The following USH2A variants were observed in gnomAD, a reference collection of about 807,000 sequenced individuals.
USH2A encodes the protein usherin.
USH2A carries 443 observed loss-of-function variants against 538.9 expected under a neutral mutation model. That is an observed-to-expected ratio of 0.82 (90% CI 0.76 to 0.89). The LOEUF is 0.89. Ranked by LOEUF, USH2A falls within the 40% of genes least tolerant of loss-of-function variation. The pLI is 0.00. For missense variants in USH2A, 6,633 were observed against 6,324.8 expected, an observed-to-expected ratio of 1.05 and a Z score of -1.65; for synonymous variants, 2,413 against 2,273.5, an observed-to-expected ratio of 1.06 and a Z score of -1.75.
chr1:215,935,721 G>A (rs994243086), intron 37 of USH2A, among the ~76,000 whole-genome samples: 1 of 151,946 alleles, frequency 6.6e-6, no homozygotes, highest in African/African-American at 2.4e-5. Flanking sequence ...TTCTATATTA[G>A]ATGCTTTCCT....
chr1:216,101,323 G>A (rs12142678), intron 21 of USH2A, among the ~76,000 whole-genome samples: 30,387 of 152,126 alleles, frequency 0.2, 4,024 homozygotes, highest in Non-Finnish European at 0.29. Flanking sequence ...TGACTCTACC[G>A]TGAGACAGAA....
chr1:215,731,570 C>G (rs1235463056), intron 60 of USH2A, among the ~76,000 whole-genome samples: 1 of 152,138 alleles, frequency 6.6e-6, no homozygotes, highest in Non-Finnish European at 1.5e-5. Context: ...AATTTTCCAA[C>G]TAGAGTTAAT....
chr1:216,096,092 C>T (rs2032435693), intron 22 of USH2A, among the ~76,000 whole-genome samples: 1 of 152,150 alleles, frequency 6.6e-6, no homozygotes, highest in Non-Finnish European at 1.5e-5. Context: ...GATATTTGTT[C>T]AACTCAAGTG....
At chr1:215,766,237 C>A (rs1424180974) in intron 56 of USH2A, among the ~76,000 whole-genome samples, 1 of 152,102 alleles carries the variant, frequency 6.6e-6, no homozygotes, top group Non-Finnish European at 1.5e-5. Context: ...TTCAGGCCAA[C>A]CTTAGCACTC....
chr1:215,661,532 A>G (rs1657435171), intron 64 of USH2A, among the ~76,000 whole-genome samples: 1 of 152,142 alleles, frequency 6.6e-6, no homozygotes, highest in South Asian at 2.1e-4. Flanking sequence ...CCTCTTCATT[A>G]AATTTTCTTC....
chr1:215,946,861 T>C (rs949724181), intron 37 of USH2A, among the ~76,000 whole-genome samples: 2 of 152,172 alleles, frequency 1.3e-5, no homozygotes, highest in African/African-American at 2.4e-5. Context: ...TGAAAACTTA[T>C]GACATCTAAA....
Position 216,058,532 on chromosome 1 carries a change from A to T in USH2A, c.6050-9885T>A, listed in dbSNP as rs2031060618. The stretch of plus-strand genomic sequence containing the variant: ...TTGGCTTCCATTATTTTTCATTTCA[A>T]ATATGTAGTGGTTGGGTTCTATTCT... On this transcript the variant is annotated intron_variant, in intron 30 of 71. Coordinates refer to ENST00000307340, the MANE Select transcript of USH2A (RefSeq NM_206933.4). Among the ~76,000 whole-genome samples the T allele has an allele frequency of 1.3e-5, 2 of 148,892 alleles. 1 individual carries two copies. Among genetic ancestry groups the T allele is most frequent in the Admixed American group, 1.3e-4 (2 of 15,026 alleles).
At chr1:216,280,272 T>C (rs1180116656) in intron 11 of USH2A, among the ~76,000 whole-genome samples, 1 of 152,100 alleles carries the variant, frequency 6.6e-6, no homozygotes, top group Non-Finnish European at 1.5e-5. Flanking sequence ...CCTGAACTAA[T>C]AACCCAGCCT....
In USH2A at chr1:215,878,908, C is replaced by T; in HGVS notation, c.8414G>A (p.Gly2805Glu). 6.2e-7 allele frequency: 1 copy of T among 1,613,880 alleles called. No individual in the cohort carries two copies. The highest frequency in any genetic ancestry group is 8.5e-7 in the Non-Finnish European group (1 of 1,179,968). ...ACSGGNGYLGGCTESLPTYVT... is the reference protein window; with the variant it reads ...ACSGGNGYLGECTESLPTYVT... ...ATAGGTAGGTAAACTCTCTGTGCAC[C>T]CTCCAAGGTACCCATTACCCCCTGA... Residue 2805 changes from glycine to glutamate, a missense_variant, in exon 42 of 72, where the codon GGG (glycine) becomes GAG (glutamate). Physicochemically the swap from Gly to Glu is moderately conservative, Grantham distance 98. Transcript: ENST00000307340.
intron 3 of USH2A, among the ~76,000 whole-genome samples, chr1:216,417,914 T>C (rs768517357): frequency 6.6e-6 from 1 of 152,162 alleles, no homozygotes; most frequent in African/African-American, 2.4e-5. Context: ...AAGGATGAAC[T>C]GTGCCTCTCT....
intron 44 of USH2A, among the ~76,000 whole-genome samples, chr1:215,852,624 T>C (rs918253970): frequency 6.6e-6 from 1 of 152,118 alleles, no homozygotes; most frequent in Non-Finnish European, 1.5e-5. Context: ...CCTATGAGCT[T>C]GTAAAATCAA....
At chr1:216,014,187 G>A (rs186412876) in intron 32 of USH2A, among the ~76,000 whole-genome samples, 18 of 152,158 alleles carry the variant, frequency 1.2e-4, no homozygotes, top group African/African-American at 4.3e-4. Context: ...GAAATGATGA[G>A]GGAAAGGGAA....
At chr1:215,989,110 G>A (rs949912463) in intron 35 of USH2A, among the ~76,000 whole-genome samples, 2 of 152,110 alleles carry the variant, frequency 1.3e-5, no homozygotes, top group Non-Finnish European at 1.5e-5. Context: ...TCATATATAG[G>A]CAAGCATAAA....
rs577108535 is a variant in USH2A at position 215,875,688 on chromosome 1, C to A, written c.8681+2070G>T. Among the ~76,000 whole-genome samples, 22 of 151,754 alleles carry A rather than the reference C, an allele frequency of 1.4e-4. 1 individual carries two copies. The highest frequency in any genetic ancestry group is 5.3e-4 in the African/African-American group (22 of 41,450). ...TATTCTTTGTTTTTGCTGAGTAGCT[C>A]ATGGCTAAAACTCAGATTCAGTAAT... On this transcript the variant is annotated intron_variant, in intron 43 of 71. Transcript: ENST00000307340.
chr1:215,970,411 T>A (rs1463831711), intron 36 of USH2A, among the ~76,000 whole-genome samples: 6 of 152,184 alleles, frequency 3.9e-5, no homozygotes, highest in Admixed American at 3.9e-4. Context: ...AAATGTAGAC[T>A]CTGCCCTTCA....
At chr1:216,172,606 T>G (rs978667669) in intron 21 of USH2A, among the ~76,000 whole-genome samples, 1 of 152,136 alleles carries the variant, frequency 6.6e-6, no homozygotes, top group Admixed American at 6.6e-5. Flanking sequence ...CGCATAACAC[T>G]TCAGCCCATT....
At chr1:216,374,968 G>A (rs1006017476) in intron 3 of USH2A, among the ~76,000 whole-genome samples, 1 of 152,038 alleles carries the variant, frequency 6.6e-6, no homozygotes, top group Non-Finnish European at 1.5e-5. Context: ...TGCTATTTCA[G>A]TGTTACTACT....
At chr1:216,116,431 A>C (rs1447291020) in intron 21 of USH2A, among the ~76,000 whole-genome samples, 1 of 152,126 alleles carries the variant, frequency 6.6e-6, no homozygotes, top group African/African-American at 2.4e-5. Context: ...CCTTGGAATG[A>C]TTTCAATGGT....
chr1:215,788,334 G>A (rs1425958261), intron 51 of USH2A, among the ~76,000 whole-genome samples: 1 of 152,048 alleles, frequency 6.6e-6, no homozygotes, highest in African/African-American at 2.4e-5. Flanking sequence ...TGTGACTAGT[G>A]CATAGAAAGG....
Sources: gnomAD v4.1 joint callset for allele counts (sites outside exome capture counted in the v4.1 genomes callset) on GRCh38, gnomAD v4.1.1 for gene constraint, MANE v1.5 for transcripts, NCBI Gene and HGNC (gene_info 2026-07-23, HGNC 2026-07-21) for gene names.